Variants in CTNNA3 observed in about 807,000 individuals in gnomAD.
The protein encoded by CTNNA3 is catenin alpha-3.
A neutral mutation model predicts 95.7 loss-of-function variants in CTNNA3; 76 were observed. That is an observed-to-expected ratio of 0.79 (90% CI 0.66 to 0.96). The LOEUF (loss-of-function observed/expected upper bound fraction) is 0.96, where lower values mean the gene tolerates loss of function less well. Among genes scored for constraint, CTNNA3 ranks in the 40% least tolerant of loss-of-function variants. The pLI, the probability that CTNNA3 is intolerant of heterozygous loss-of-function variation, is 0.00. For missense variants in CTNNA3, 1,191 were observed against 1,089.8 expected (o/e 1.09, Z -1.31); for synonymous variants, 431 against 374.4 (o/e 1.15, Z -1.74).
intron 2 of CTNNA3, among the ~76,000 whole-genome samples, chr10:67,620,021 T>C (rs934740895): frequency 6.6e-6 from 1 of 151,486 alleles, no homozygotes; most frequent in Non-Finnish European, 1.5e-5. Flanking sequence ...AATGAGGCTA[T>C]GTTGAAAAGC....
chr10:66,509,448 C>T (rs1444369807), intron 11 of CTNNA3, among the ~76,000 whole-genome samples: 3 of 151,952 alleles, frequency 2.0e-5, no homozygotes, highest in Non-Finnish European at 4.4e-5. Flanking sequence ...TTGCCTGGAT[C>T]AGTGTCCTGC....
At chr10:67,359,134 G>C (rs575584697) in intron 5 of CTNNA3, among the ~76,000 whole-genome samples, 1 of 151,570 alleles carries the variant, frequency 6.6e-6, no homozygotes, top group East Asian at 1.9e-4. Flanking sequence ...ACAGAGCCTT[G>C]GTTCTCTGAA....
At chr10:66,330,215 C>A (rs1409835406) in intron 12 of CTNNA3, among the ~76,000 whole-genome samples, 2 of 151,590 alleles carry the variant, frequency 1.3e-5, no homozygotes, top group African/African-American at 4.8e-5. Flanking sequence ...CTATCCCTCC[C>A]CCCCTCTCCC....
chr10:66,118,119 T>C (rs565243629), intron 13 of CTNNA3: 5 of 152,386 alleles, frequency 3.3e-5, no homozygotes, highest in Non-Finnish European at 7.3e-5. Context: ...AATTTGACTA[T>C]AGTTTATTTA....
chr10:66,905,120 C>T (rs1388883841), intron 7 of CTNNA3, among the ~76,000 whole-genome samples: 1 of 152,128 alleles, frequency 6.6e-6, no homozygotes, highest in African/African-American at 2.4e-5. Flanking sequence ...TGGAACCAAC[C>T]CAAATGTCCA....
At chr10:67,445,882 C>T (rs968522833) in intron 5 of CTNNA3, among the ~76,000 whole-genome samples, 1 of 152,194 alleles carries the variant, frequency 6.6e-6, no homozygotes, top group Non-Finnish European at 1.5e-5. Context: ...TCATCTATCT[C>T]AAGTAGACAG....
At chr10:66,430,791 A>T (rs2093287724) in intron 11 of CTNNA3, among the ~76,000 whole-genome samples, 1 of 152,244 alleles carries the variant, frequency 6.6e-6, no homozygotes, top group South Asian at 2.1e-4. Flanking sequence ...ACCTAAAACC[A>T]TAAAAACCCT....
At chr10:66,971,259 C>A (rs1430260099) in intron 7 of CTNNA3, among the ~76,000 whole-genome samples, 1 of 151,980 alleles carries the variant, frequency 6.6e-6, no homozygotes, top group Non-Finnish European at 1.5e-5. Context: ...AACCCCGTCT[C>A]TACTAAAAAT....
chr10:66,779,808 A>C (rs1840458577), intron 7 of CTNNA3, among the ~76,000 whole-genome samples: 1 of 152,252 alleles, frequency 6.6e-6, no homozygotes, highest in Non-Finnish European at 1.5e-5. Flanking sequence ...TTTAATAAAT[A>C]GGTCAACATA....
At chr10:67,454,013 T>C (rs965872129) in intron 5 of CTNNA3, among the ~76,000 whole-genome samples, 2 of 152,224 alleles carry the variant, frequency 1.3e-5, no homozygotes, top group African/African-American at 4.8e-5. Context: ...GAATAAGAAT[T>C]TCCTCTGTAT....
At chr10:67,057,254 A>C (rs1461258164) in intron 7 of CTNNA3, among the ~76,000 whole-genome samples, 1 of 152,156 alleles carries the variant, frequency 6.6e-6, no homozygotes, top group Non-Finnish European at 1.5e-5. Flanking sequence ...TAATATATCT[A>C]TTATGTCACA....
chr10:67,319,884 G>A (rs917814456), intron 5 of CTNNA3, among the ~76,000 whole-genome samples: 31 of 118,114 alleles, frequency 2.6e-4, no homozygotes, highest in African/African-American at 9.1e-4. Flanking sequence ...TGACAAGAGC[G>A]AGACTCAGTC....
chr10:66,544,366 G>T (rs1169590933), intron 10 of CTNNA3, among the ~76,000 whole-genome samples: 2 of 151,994 alleles, frequency 1.3e-5, no homozygotes, highest in Non-Finnish European at 2.9e-5. Flanking sequence ...TATTTCAGAG[G>T]GTTGGGAAAG....
intron 5 of CTNNA3, among the ~76,000 whole-genome samples, chr10:67,483,212 T>C (rs2133058818): frequency 6.6e-6 from 1 of 151,854 alleles, no homozygotes; most frequent in Middle Eastern, 3.4e-3. Context: ...AGTGTGGAGA[T>C]TCCTCAGGGA....
At chr10:66,254,009 T>A (rs2090661096) in intron 13 of CTNNA3, among the ~76,000 whole-genome samples, 1 of 152,146 alleles carries the variant, frequency 6.6e-6, no homozygotes, top group African/African-American at 2.4e-5. Context: ...TATTACCCAC[T>A]AAAAGTGCTC....
At chr10:67,641,600 A>C (rs1333260743) in intron 2 of CTNNA3, among the ~76,000 whole-genome samples, 1 of 152,206 alleles carries the variant, frequency 6.6e-6, no homozygotes, top group African/African-American at 2.4e-5. Context: ...AAGACTTGGA[A>C]CCAACCCAAA....
intron 5 of CTNNA3, among the ~76,000 whole-genome samples, chr10:67,232,025 C>G (rs540767723): frequency 6.6e-6 from 1 of 152,236 alleles, no homozygotes; most frequent in South Asian, 2.1e-4. Flanking sequence ...AAGACCAAAT[C>G]TACGTCTGAT....
chr10:67,087,277 T>C (rs983314430), intron 7 of CTNNA3, among the ~76,000 whole-genome samples: 3 of 151,900 alleles, frequency 2.0e-5, no homozygotes, highest in African/African-American at 7.2e-5. Flanking sequence ...AGTCCATTAG[T>C]GGAAAAGCTA....
chr10:67,738,441 G>A (rs959157300), intron 1 of CTNNA3, among the ~76,000 whole-genome samples: 10 of 152,112 alleles, frequency 6.6e-5, no homozygotes, highest in African/African-American at 1.4e-4. Flanking sequence ...CCATCTGTAC[G>A]TCACCATCAT....
Sources: allele counts gnomAD v4.1 joint callset (sites outside exome capture counted in the v4.1 genomes callset), GRCh38; gene constraint gnomAD v4.1.1; transcripts MANE v1.5; gene names NCBI Gene and HGNC (gene_info 2026-07-23, HGNC 2026-07-21).